RNLS: variants seen among roughly 807,000 people sequenced by gnomAD.
RNLS encodes the protein renalase.
A neutral mutation model predicts 39.8 loss-of-function variants in RNLS; 39 were observed. The ratio of observed to expected loss-of-function variants is 0.98; its 90% CI spans 0.76 to 1.28. RNLS has a LOEUF of 1.28. Among genes scored for constraint, RNLS ranks in the 50% most tolerant of loss-of-function variants. The pLI, the probability that RNLS is intolerant of heterozygous loss-of-function variation, is 0.00. For missense variants in RNLS, 410 were observed against 413.3 expected (o/e 0.99, Z 0.07); for synonymous variants, 147 against 150.7 (o/e 0.98, Z 0.18).
intron 5 of RNLS, among the ~76,000 whole-genome samples, chr10:88,315,203 G>C (rs1433126185): frequency 6.6e-6 from 1 of 152,018 alleles, no homozygotes; most frequent in Non-Finnish European, 1.5e-5. Context: ...ATTTCTTTAT[G>C]TTTTAATCAG....
At chr10:88,435,213 G>C (rs572582586) in intron 4 of RNLS, among the ~76,000 whole-genome samples, 2 of 152,164 alleles carry the variant, frequency 1.3e-5, no homozygotes, top group South Asian at 2.1e-4. Flanking sequence ...CCTGGTACTT[G>C]GCAGACAGGC....
chr10:88,191,456 T>C, the RNLS span, among the ~76,000 whole-genome samples: 2 of 152,234 alleles, frequency 1.3e-5, no homozygotes, highest in Non-Finnish European at 2.9e-5. Flanking sequence ...ATGTGATGTT[T>C]AATATAAGTT....
intron 6 of RNLS, among the ~76,000 whole-genome samples, chr10:88,294,466 A>G (rs542246612): frequency 3.9e-5 from 6 of 152,252 alleles, no homozygotes; most frequent in African/African-American, 1.2e-4. Flanking sequence ...TTAAATTTAT[A>G]CACAAAATAT....
chr10:88,226,032 T>A, the RNLS span, among the ~76,000 whole-genome samples: 1 of 152,222 alleles, frequency 6.6e-6, no homozygotes, highest in Admixed American at 6.5e-5. Context: ...AAAATTTGCT[T>A]AATATTTTAA....
intron 4 of RNLS, among the ~76,000 whole-genome samples, chr10:88,515,510 A>G (rs1564863938): frequency 6.6e-6 from 1 of 152,078 alleles, no homozygotes; most frequent in Non-Finnish European, 1.5e-5. Flanking sequence ...TTTTACAGCA[A>G]AGGCTTTCCT....
intron 4 of RNLS, among the ~76,000 whole-genome samples, chr10:88,525,931 A>T (rs1847076745): frequency 6.6e-6 from 1 of 152,044 alleles, no homozygotes; most frequent in Non-Finnish European, 1.5e-5. Context: ...CCCCTTAGGA[A>T]ATCATGATAT....
intron 4 of RNLS, among the ~76,000 whole-genome samples, chr10:88,506,998 C>G (rs895261488): frequency 1.4e-5 from 2 of 147,746 alleles, no homozygotes; most frequent in Non-Finnish European, 3.0e-5. Flanking sequence ...GTTTTCCCTT[C>G]ACTACAGAGG....
chr10:88,316,966 T>A (rs1013669120), intron 5 of RNLS, among the ~76,000 whole-genome samples: 1 of 152,054 alleles, frequency 6.6e-6, no homozygotes, highest in Admixed American at 6.6e-5. Context: ...GATCAAAGTT[T>A]GAAAATAGAG....
intron 4 of RNLS, among the ~76,000 whole-genome samples, chr10:88,553,328 T>C (rs577473817): frequency 4.1e-4 from 63 of 152,304 alleles, no homozygotes; most frequent in African/African-American, 1.3e-3. Context: ...GCCTGTGGCA[T>C]TGGCTTTCAG....
At chr10:88,478,639 T>C (rs1215223854) in intron 4 of RNLS, among the ~76,000 whole-genome samples, 2 of 152,118 alleles carry the variant, frequency 1.3e-5, no homozygotes, top group African/African-American at 4.8e-5. Flanking sequence ...ACACAGGGCT[T>C]ATCCATCCTC....
At chr10:88,505,143 T>TCTA (rs1432646631) in intron 4 of RNLS, among the ~76,000 whole-genome samples, 14 of 151,702 alleles carry the variant, frequency 9.2e-5, no homozygotes, top group Non-Finnish European at 2.1e-4. Flanking sequence ...CCAAAAGAAA[T>TCTA]GGTTGATTCC....
At chr10:88,304,592 G>A (rs1309009600) in intron 6 of RNLS, among the ~76,000 whole-genome samples, 14 of 152,094 alleles carry the variant, frequency 9.2e-5, no homozygotes, top group Admixed American at 6.6e-5. Context: ...AAAGAATCTC[G>A]GCGCTTAAAG....
chr10:88,252,382 T>C, the RNLS span, among the ~76,000 whole-genome samples: 4 of 152,308 alleles, frequency 2.6e-5, no homozygotes, highest in African/African-American at 9.6e-5. Flanking sequence ...TTTATTTTCA[T>C]TTTTAGGTGT....
intron 4 of RNLS, among the ~76,000 whole-genome samples, chr10:88,442,516 C>T (rs12357948): frequency 0.17 from 26,158 of 152,038 alleles, 2,471 homozygotes; most frequent in Middle Eastern, 0.28. Context: ...CTCCTTATGC[C>T]AGAGCCCTGA....
chr10:88,493,971 T>C (rs1468523352), intron 4 of RNLS, among the ~76,000 whole-genome samples: 4 of 152,062 alleles, frequency 2.6e-5, no homozygotes, highest in African/African-American at 7.2e-5. Context: ...GGCTCTAAAA[T>C]TAAACTAAAA....
chr10:88,338,555 T>G (rs999814499), intron 5 of RNLS, among the ~76,000 whole-genome samples: 11 of 152,192 alleles, frequency 7.2e-5, no homozygotes, highest in Non-Finnish European at 1.3e-4. Flanking sequence ...TTATAATACT[T>G]TTTAAAGATA....
chr10:88,192,672 G>A, the RNLS span, among the ~76,000 whole-genome samples: 1 of 152,156 alleles, frequency 6.6e-6, no homozygotes, highest in Non-Finnish European at 1.5e-5. Context: ...ATGGCTCCAA[G>A]AACATGAAAT....
rs539070437 is a variant in RNLS at position 88,513,893 on chromosome 10, T to G, written c.526+59010A>C. On this transcript the variant is annotated intron_variant, in intron 4 of 6. Coordinates refer to ENST00000331772, the MANE Select transcript of RNLS (RefSeq NM_001031709.3). ...TTTAAATACATGACAATACCAAAGA[T>G]GAAAAGGGATCTTGTAGTAGTGTTG... 2.0e-5 allele frequency among the ~76,000 whole-genome samples: 3 copies of G among 152,224 alleles called. No homozygotes were observed. The South Asian group carries it at 6.2e-4, about 32-fold the overall frequency.
At chr10:88,236,472 A>G in the RNLS span, among the ~76,000 whole-genome samples, 2 of 152,186 alleles carry the variant, frequency 1.3e-5, no homozygotes, top group African/African-American at 4.8e-5. Flanking sequence ...CCTACAAGAA[A>G]AGAAAGGCTA....
Sources: gnomAD v4.1 joint callset for allele counts (sites outside exome capture counted in the v4.1 genomes callset) on GRCh38, gnomAD v4.1.1 for gene constraint, MANE v1.5 for transcripts, NCBI Gene and HGNC (gene_info 2026-07-23, HGNC 2026-07-21) for gene names.